The following HS3ST4 variants were observed in gnomAD, a reference collection of about 807,000 sequenced individuals.
HS3ST4 encodes the protein heparan sulfate glucosamine 3-O-sulfotransferase 4.
Under a neutral mutation model 29.2 loss-of-function variants are expected in HS3ST4, and 17 were observed. That is an observed-to-expected ratio of 0.58 (90% confidence interval 0.40 to 0.87). The LOEUF (loss-of-function observed/expected upper bound fraction) is 0.87. Among genes scored for constraint, HS3ST4 ranks in the 40% least tolerant of loss-of-function variants. The probability of loss-of-function intolerance (pLI) is 0.00; values close to 1 mark genes in which losing one functional copy is unlikely to be tolerated. For synonymous variants in HS3ST4, 314 were observed against 285.7 expected (o/e 1.10, Z -1.00); for missense variants, 627 against 634.5 (o/e 0.99, Z 0.13).
chr16:25,799,526 C>T (rs903262488), intron 1 of HS3ST4, among the ~76,000 whole-genome samples: 1 of 152,048 alleles, frequency 6.6e-6, no homozygotes, highest in Admixed American at 6.5e-5. Flanking sequence ...TCTCTGTGAA[C>T]CATCATCAAC....
chr16:26,064,025 G>A (rs1567304682), intron 1 of HS3ST4, among the ~76,000 whole-genome samples: 1 of 152,144 alleles, frequency 6.6e-6, no homozygotes, highest in African/African-American at 2.4e-5. Flanking sequence ...TTAGGGAGTC[G>A]ATTAGGTTTA....
intron 1 of HS3ST4, among the ~76,000 whole-genome samples, chr16:25,998,143 G>A (rs1969173271): frequency 6.6e-6 from 1 of 152,082 alleles, no homozygotes; most frequent in Non-Finnish European, 1.5e-5. Context: ...TGCACCTGTA[G>A]TCCTTGTAGT....
intron 1 of HS3ST4, among the ~76,000 whole-genome samples, chr16:25,737,908 T>C (rs28454623): frequency 0.011 from 645 of 59,036 alleles, 26 homozygotes; most frequent in South Asian, 0.043. Context: ...GTAGCTTCTT[T>C]TTTTTTTTTT....
At chr16:25,863,425 C>T (rs1157421734) in intron 1 of HS3ST4, among the ~76,000 whole-genome samples, 2 of 152,132 alleles carry the variant, frequency 1.3e-5, no homozygotes, top group Admixed American at 6.5e-5. Flanking sequence ...TGACTTTTCT[C>T]TCTCTTCATG....
intron 1 of HS3ST4, among the ~76,000 whole-genome samples, chr16:25,896,376 A>C (rs1968065009): frequency 6.6e-6 from 1 of 152,258 alleles, no homozygotes; most frequent in Non-Finnish European, 1.5e-5. Flanking sequence ...ACATACAGGC[A>C]GGTAACAAAC....
chr16:26,086,233 A>G (rs1898785001), intron 1 of HS3ST4, among the ~76,000 whole-genome samples: 1 of 152,138 alleles, frequency 6.6e-6, no homozygotes, highest in South Asian at 2.1e-4. Context: ...TATAGTCCTT[A>G]TAAATATAAA....
chr16:25,960,116 A>G (rs1203844249), intron 1 of HS3ST4, among the ~76,000 whole-genome samples: 2 of 152,162 alleles, frequency 1.3e-5, no homozygotes, highest in Non-Finnish European at 2.9e-5. Flanking sequence ...AGCCTGGGCA[A>G]CAAGAGTGAA....
intron 1 of HS3ST4, among the ~76,000 whole-genome samples, chr16:26,014,287 TA>T (rs1969342203): frequency 6.6e-6 from 1 of 152,194 alleles, no homozygotes; most frequent in Non-Finnish European, 1.5e-5. Context: ...CATGAATACT[TA>T]ACAAATGAAT....
chr16:25,697,118 A>G (rs542214637), intron 1 of HS3ST4, among the ~76,000 whole-genome samples: 10 of 152,322 alleles, frequency 6.6e-5, no homozygotes, highest in African/African-American at 2.2e-4. Context: ...CATTCATTCA[A>G]TTATTTAAAA....
intron 1 of HS3ST4, among the ~76,000 whole-genome samples, chr16:26,028,508 T>G (rs557962187): frequency 6.6e-6 from 1 of 152,240 alleles, no homozygotes; most frequent in South Asian, 2.1e-4. Flanking sequence ...CAACTCCTGG[T>G]CTGAGGCGAT....
At chr16:25,713,081 T>C (rs1261633059) in intron 1 of HS3ST4, among the ~76,000 whole-genome samples, 1 of 152,162 alleles carries the variant, frequency 6.6e-6, no homozygotes, top group African/African-American at 2.4e-5. Flanking sequence ...TTTTTGTAAG[T>C]TCTGGGATAC....
At chr16:25,735,685 C>T (rs1161729141) in intron 1 of HS3ST4, among the ~76,000 whole-genome samples, 1 of 152,188 alleles carries the variant, frequency 6.6e-6, no homozygotes, top group Non-Finnish European at 1.5e-5. Context: ...AGCCACCATG[C>T]CCAGCCCAGG....
In HS3ST4 at chr16:26,096,257, A is replaced by G. The variant is rs545271209; in HGVS notation, c.735-39355A>G. On this transcript the variant is annotated intron_variant, in intron 1 of 1. Coordinates refer to ENST00000331351, the MANE Select transcript of HS3ST4 (RefSeq NM_006040.3). ...TAACACATTTTATGAGGCCAACATC[A>G]TCCTGATACCAAATCCTGGCAGAGA... Among the ~76,000 whole-genome samples, 13 of 152,336 alleles carry G rather than the reference A, an allele frequency of 8.5e-5. No individual in the cohort carries two copies. The East Asian group carries it at 1.9e-3, about 23-fold the overall frequency.
intron 1 of HS3ST4, among the ~76,000 whole-genome samples, chr16:25,787,874 G>A (rs1966859924): frequency 6.6e-6 from 1 of 152,198 alleles, no homozygotes; most frequent in African/African-American, 2.4e-5. Flanking sequence ...GCTGGTGGAG[G>A]AACGTAACCC....
intron 1 of HS3ST4, among the ~76,000 whole-genome samples, chr16:26,100,994 A>G (rs181086816): frequency 3.7e-4 from 57 of 152,306 alleles, no homozygotes; most frequent in Admixed American, 8.5e-4. Context: ...TCAGAAAAGG[A>G]CATTACCATC....
rs1898577224 is a variant in HS3ST4, at chr16:26,069,396, G to A, written c.735-66216G>A. On this transcript the variant is annotated intron_variant, in intron 1 of 1. Transcript: ENST00000331351. ...GATCACTTACCAGTTCTGAACCCAG[G>A]CACCAAGGGGTCTTCTGAGATTAGG... Among the ~76,000 whole-genome samples, 5 of 152,278 alleles carry A rather than the reference G, an allele frequency of 3.3e-5. 1 individual carries two copies. In the South Asian group the frequency reaches 1.0e-3, roughly 32 times the overall value.
chr16:25,828,193 TTTTC>T (rs1008734793), intron 1 of HS3ST4, among the ~76,000 whole-genome samples: 9 of 147,070 alleles, frequency 6.1e-5, no homozygotes, highest in Middle Eastern at 3.4e-3. Flanking sequence ...TCTTTCTTTC[TTTTC>T]TTTCTTTCTT....
chr16:26,110,995 T>C (rs1006762046), intron 1 of HS3ST4, among the ~76,000 whole-genome samples: 12 of 152,046 alleles, frequency 7.9e-5, no homozygotes, highest in African/African-American at 2.7e-4. Context: ...CTTGTAAGGG[T>C]GTGTGTGTGT....
chr16:25,805,585 T>C (rs1392360078), intron 1 of HS3ST4, among the ~76,000 whole-genome samples: 2 of 152,174 alleles, frequency 1.3e-5, no homozygotes, highest in African/African-American at 2.4e-5. Flanking sequence ...GTCCTCTTCC[T>C]TGATGTGCTG....
Sources: allele counts gnomAD v4.1 joint callset (sites outside exome capture counted in the v4.1 genomes callset), GRCh38; gene constraint gnomAD v4.1.1; transcripts MANE v1.5; gene names NCBI Gene and HGNC (gene_info 2026-07-23, HGNC 2026-07-21).